The following NEBL variants were observed in gnomAD, a reference collection of about 807,000 sequenced individuals.
NEBL encodes the protein nebulette.
In NEBL, 122 loss-of-function variants were observed where a neutral mutation model predicts 140.2. The observed-to-expected ratio is 0.87, with a 90% CI of 0.75 to 1.01. NEBL has a LOEUF of 1.01. NEBL is among the 50% of genes least tolerant of loss of function. NEBL has a pLI of 0.00. For missense variants in NEBL, 1,365 were observed against 1,231.3 expected (o/e 1.11, Z -1.62); for synonymous variants, 436 against 398.9 (o/e 1.09, Z -1.11).
In NEBL at chr10:20,861,178, T is replaced by C. The variant is rs747029285; in HGVS notation, c.685-1352A>G. Among the ~76,000 whole-genome samples, 10 of 152,280 alleles carry C rather than the reference T, an allele frequency of 6.6e-5. No homozygotes were observed. The Middle Eastern group carries it at 0.01, about 155-fold the overall frequency. On this transcript the variant is annotated intron_variant, in intron 7 of 27. Transcript: ENST00000377122. ...AAAAGCAATGATTCACTCTGCCTGG[T>C]CGTCCCTTAAATATATAGTCTTAGA...
intron 21 of NEBL, among the ~76,000 whole-genome samples, chr10:20,817,290 C>T (rs1371010148): frequency 3.9e-5 from 6 of 152,064 alleles, no homozygotes; most frequent in Non-Finnish European, 8.8e-5. Context: ...TCACTTGAAC[C>T]CAGAAGGCAA....
intron 2 of NEBL, among the ~76,000 whole-genome samples, chr10:21,120,993 T>C (rs1589255033): frequency 6.6e-6 from 1 of 152,178 alleles, no homozygotes; most frequent in South Asian, 2.1e-4. Context: ...TCAGGCTTTA[T>C]ACAATAACTT....
intron 2 of NEBL, among the ~76,000 whole-genome samples, chr10:21,028,235 C>CAAAAAAAAAAAAAAAAAA (rs1168946872): frequency 1.5e-5 from 1 of 66,244 alleles, no homozygotes; most frequent in Non-Finnish European, 2.5e-5. Flanking sequence ...TCAAACATCT[C>CAAAAAAAAAAAAAAAAAA]AAAAAAAAAA....
intron 2 of NEBL, among the ~76,000 whole-genome samples, chr10:21,137,739 C>T (rs1272952721): frequency 6.6e-6 from 1 of 151,876 alleles, no homozygotes; most frequent in Non-Finnish European, 1.5e-5. Context: ...TTGAAACCAG[C>T]CTGGGCAACA....
rs1192480518 is a variant in NEBL at position 21,029,744 on chromosome 10, TG to T, written c.165-9544del. 5.4e-6 allele frequency: 4 copies of T among 744,026 alleles called. No individual in the cohort carries two copies. The Admixed American group carries it at 7.9e-5, about 15-fold the overall frequency. 46.1% of individuals were successfully genotyped at this position (744,026 alleles called of 1,614,324 possible). A position where few individuals can be genotyped will look rare whatever the true frequency, so the allele number is the denominator to read the frequency against. On this transcript the variant is annotated intron_variant, in intron 2 of 6. Coordinates refer to the NEBL transcript ENST00000417816. ...TATCGGGATGGCCCATGCCGGGATA[TG>T]GATCGATATGGCTGGCGGTAGGGAT...
At position 21,084,436 on chromosome 10, in the gene NEBL, C is replaced by T. The variant is rs141197558; in HGVS notation, c.165-64235G>A. On this transcript the variant is annotated intron_variant, in intron 2 of 6. Transcript: ENST00000417816. ...GAATGGGTAGAGCAAATATAAAAGG[C>T]CAATGTTAAAACTAAGTCTCAGCCT... 2.4e-3 allele frequency among the ~76,000 whole-genome samples: 366 copies of T among 151,882 alleles called. 1 individual carries two copies. Among genetic ancestry groups the T allele is most frequent in the African/African-American group, 8.5e-3 (354 of 41,420 alleles).
intron 5 of NEBL, among the ~76,000 whole-genome samples, chr10:20,872,264 C>T (rs1845022602): frequency 6.6e-6 from 1 of 152,052 alleles, no homozygotes; most frequent in African/African-American, 2.4e-5. Context: ...ATATGTGACT[C>T]AAAACAAATA....
chr10:20,940,004 C>A lies in NEBL; in HGVS notation c.357+21668G>T, dbSNP rs1218961325. 6.0e-5 allele frequency among the ~76,000 whole-genome samples: 9 copies of A among 150,116 alleles called. No homozygotes were observed. The East Asian group carries it at 1.8e-3, about 29-fold the overall frequency. ...AATAATGGGAGACTTTAACAACCCACTGTCAATATTAGACAGATCAACGAG... is the reference window on the plus strand; with the variant it reads ...AATAATGGGAGACTTTAACAACCCAATGTCAATATTAGACAGATCAACGAG... On this transcript the variant is annotated intron_variant, in intron 4 of 6. Coordinates refer to the NEBL transcript ENST00000417816.
At chr10:20,951,754 A>G (rs962918961) in intron 4 of NEBL, among the ~76,000 whole-genome samples, 3 of 152,218 alleles carry the variant, frequency 2.0e-5, no homozygotes, top group East Asian at 1.9e-4. Flanking sequence ...AAATATATAC[A>G]TAAGAGTTCT....
At chr10:21,275,017 A>T (rs1564553970) in intron 1 of NEBL, among the ~76,000 whole-genome samples, 1 of 151,950 alleles carries the variant, frequency 6.6e-6, no homozygotes, top group Non-Finnish European at 1.5e-5. Flanking sequence ...GTGTAAGTGG[A>T]CCCATGAAGT....
At chr10:21,196,828 C>A (rs889553757) in intron 3 of NEBL, among the ~76,000 whole-genome samples, 5 of 152,214 alleles carry the variant, frequency 3.3e-5, no homozygotes, top group African/African-American at 1.2e-4. Context: ...CAGTCTATGT[C>A]AATATCATTA....
intron 2 of NEBL, among the ~76,000 whole-genome samples, chr10:20,892,230 C>T (rs531133874): frequency 2.5e-4 from 38 of 152,360 alleles, no homozygotes; most frequent in African/African-American, 7.9e-4. Flanking sequence ...GAGCCACACT[C>T]TCTGTGACTT....
chr10:20,944,333 G>A (rs1032216239), intron 4 of NEBL, among the ~76,000 whole-genome samples: 6 of 152,148 alleles, frequency 3.9e-5, no homozygotes, highest in Non-Finnish European at 7.3e-5. Context: ...CTGGGAGGCG[G>A]AGGGTGCACT....
At chr10:21,011,471 C>T (rs552124917) in intron 3 of NEBL, among the ~76,000 whole-genome samples, 1 of 152,296 alleles carries the variant, frequency 6.6e-6, no homozygotes, top group African/African-American at 2.4e-5. Flanking sequence ...GGTCAATTCC[C>T]ATTTCCTCCT....
chr10:21,281,397 A>C (rs1170452651), intron 1 of NEBL, among the ~76,000 whole-genome samples: 1 of 152,060 alleles, frequency 6.6e-6, no homozygotes, highest in African/African-American at 2.4e-5. Flanking sequence ...CCTTGCCTCA[A>C]GTAATCCTCC....
chr10:21,172,287 G>T (rs1380984135), intron 2 of NEBL: 23 of 950,556 alleles, frequency 2.4e-5, no homozygotes, highest in Middle Eastern at 4.5e-4. Flanking sequence ...CCACACCTGG[G>T]TGACACAGTG....
At chr10:21,039,489 C>A (rs901516499) in intron 2 of NEBL, among the ~76,000 whole-genome samples, 3 of 152,056 alleles carry the variant, frequency 2.0e-5, no homozygotes, top group Non-Finnish European at 4.4e-5. Context: ...GAATCCTTTC[C>A]CCTTTGTTTT....
intron 3 of NEBL, among the ~76,000 whole-genome samples, chr10:21,015,713 A>G (rs1368799857): frequency 2.0e-5 from 3 of 152,100 alleles, no homozygotes; most frequent in South Asian, 2.1e-4. Context: ...GAGTCTCCCT[A>G]TGGCGCCCAG....
intron 3 of NEBL, among the ~76,000 whole-genome samples, chr10:21,209,661 CTTTTTTT>C (rs796931946): frequency 8.0e-6 from 1 of 124,452 alleles, no homozygotes; most frequent in African/African-American, 3.0e-5. Context: ...TTTTTTTTTT[CTTTTTTT>C]TTTTTTTCTT....
Sources: gnomAD v4.1 joint callset for allele counts (sites outside exome capture counted in the v4.1 genomes callset) on GRCh38, gnomAD v4.1.1 for gene constraint, MANE v1.5 for transcripts, NCBI Gene and HGNC (gene_info 2026-07-23, HGNC 2026-07-21) for gene names.